Variants in PRKN observed in about 807,000 individuals in gnomAD.
The protein encoded by PRKN is parkin RBR E3 ubiquitin protein ligase.
PRKN carries 56 observed loss-of-function variants against 59.5 expected under a neutral mutation model. The ratio of observed to expected loss-of-function variants is 0.94; its 90% confidence interval spans 0.76 to 1.18. The LOEUF is 1.18. PRKN is among the 50% of genes most tolerant of loss of function. PRKN has a pLI of 0.00. For missense variants in PRKN, 657 were observed against 596.4 expected (o/e 1.10, Z -1.06); for synonymous variants, 250 against 222.1 (o/e 1.13, Z -1.12).
chr6:162,332,559 A>T (rs574692551), intron 2 of PRKN, among the ~76,000 whole-genome samples: 1 of 152,278 alleles, frequency 6.6e-6, no homozygotes, highest in Non-Finnish European at 1.5e-5. Flanking sequence ...GCCCTTCATG[A>T]AAAATTGGAA....
chr6:161,674,288 G>A (rs1367049016), intron 7 of PRKN, among the ~76,000 whole-genome samples: 1 of 151,970 alleles, frequency 6.6e-6, no homozygotes, highest in Non-Finnish European at 1.5e-5. Context: ...GGATGGCTTT[G>A]CTGTATAATT....
intron 9 of PRKN, among the ~76,000 whole-genome samples, chr6:161,537,645 GT>G (rs1242320505): frequency 1.3e-5 from 2 of 152,026 alleles, no homozygotes; most frequent in African/African-American, 4.8e-5. Flanking sequence ...TAGAGACGGG[GT>G]TTCACCATGT....
chr6:162,390,475 T>C (rs1787123736), intron 2 of PRKN, among the ~76,000 whole-genome samples: 1 of 150,900 alleles, frequency 6.6e-6, no homozygotes, highest in Non-Finnish European at 1.5e-5. Flanking sequence ...AGAGTCTCGT[T>C]CTGTCACCCA....
At chr6:162,323,505 T>G (rs1430132033) in intron 2 of PRKN, among the ~76,000 whole-genome samples, 2 of 152,038 alleles carry the variant, frequency 1.3e-5, no homozygotes, top group African/African-American at 2.4e-5. Flanking sequence ...ATATTTGATA[T>G]ATGATATATT....
intron 1 of PRKN, among the ~76,000 whole-genome samples, chr6:162,526,198 G>A (rs747617093): frequency 9.4e-5 from 14 of 148,654 alleles, no homozygotes; most frequent in South Asian, 2.2e-4. Flanking sequence ...ACAAACTATC[G>A]GAGTCAAGGT....
intron 2 of PRKN, among the ~76,000 whole-genome samples, chr6:162,272,745 C>T (rs918989312): frequency 7.2e-5 from 11 of 151,972 alleles, no homozygotes; most frequent in African/African-American, 2.7e-4. Flanking sequence ...TGCTTGTAAT[C>T]CCAGCACTTT....
chr6:161,898,849 GT>G (rs1360243718), intron 6 of PRKN, among the ~76,000 whole-genome samples: 3 of 152,206 alleles, frequency 2.0e-5, no homozygotes, highest in Non-Finnish European at 1.5e-5. Context: ...ATGTACGCTT[GT>G]GGCTTCTTCG....
At chr6:162,672,408 T>A (rs554414604) in intron 1 of PRKN, among the ~76,000 whole-genome samples, 1 of 151,996 alleles carries the variant, frequency 6.6e-6, no homozygotes, top group Admixed American at 6.6e-5. Context: ...CATTAACCAC[T>A]TTGGCAAAAA....
chr6:162,348,675 T>A (rs966865963), intron 2 of PRKN, among the ~76,000 whole-genome samples: 1 of 152,328 alleles, frequency 6.6e-6, no homozygotes, highest in South Asian at 2.1e-4. Flanking sequence ...ATTCTTATTA[T>A]TTCTTTTTAC....
intron 4 of PRKN, among the ~76,000 whole-genome samples, chr6:162,063,954 T>C (rs1462155952): frequency 1.3e-5 from 2 of 152,058 alleles, no homozygotes; most frequent in Non-Finnish European, 2.9e-5. Flanking sequence ...CAGAGCAACA[T>C]AGACTCGTAC....
chr6:161,590,799 T>C (rs938611103), intron 7 of PRKN, among the ~76,000 whole-genome samples: 8 of 151,384 alleles, frequency 5.3e-5, no homozygotes, highest in Admixed American at 2.6e-4. Context: ...CAAACACAAA[T>C]TGAAGGATAG....
intron 2 of PRKN, among the ~76,000 whole-genome samples, chr6:162,423,451 T>C (rs2128160162): frequency 6.6e-6 from 1 of 152,308 alleles, no homozygotes; most frequent in Non-Finnish European, 1.5e-5. Flanking sequence ...GTAAGACATC[T>C]AGACAAAGTT....
rs759309558 is a variant in PRKN, at chr6:162,710,414, C to CACACACACACACACACACACACAA, written c.7+17247_7+17248insTTGTGTGTGTGTGTGTGTGTGTGT. ...ACACACACACACACACACACACACA[C>CACACACACACACACACACACACAA]AACTGTTTGGTATGATGAGGAAGAA... is the stretch of plus-strand genomic sequence containing the variant. On this transcript the variant is annotated intron_variant, in intron 1 of 11. Transcript: ENST00000366898. 7.9e-4 allele frequency among the ~76,000 whole-genome samples: 118 copies of CACACACACACACACACACACACAA among 150,062 alleles called. 1 individual carries two copies. The highest frequency in any genetic ancestry group is 2.8e-3 in the African/African-American group (113 of 40,158).
At chr6:161,864,602 A>G (rs1022882089) in intron 6 of PRKN, among the ~76,000 whole-genome samples, 1 of 152,146 alleles carries the variant, frequency 6.6e-6, no homozygotes, top group Admixed American at 6.5e-5. Flanking sequence ...AATGACATCT[A>G]GAATGGTGAA....
intron 1 of PRKN, among the ~76,000 whole-genome samples, chr6:162,692,250 T>C (rs1777803465): frequency 6.6e-6 from 1 of 151,864 alleles, no homozygotes; most frequent in South Asian, 2.1e-4. Context: ...AAGAGACTTG[T>C]GCAGTAAAGG....
At chr6:162,074,801 C>T (rs990617460) in intron 4 of PRKN, among the ~76,000 whole-genome samples, 4 of 152,122 alleles carry the variant, frequency 2.6e-5, no homozygotes, top group South Asian at 2.1e-4. Context: ...ATGCCAACAA[C>T]GCGTTTCCCC....
chr6:161,526,239 C>T lies in PRKN; in HGVS notation c.1083+22615G>A, dbSNP rs1417614729. ...GATGTGCATAACTGGCTCCTGTGAA[C>T]CTGGTACAGCTGGCTCCAGCCTCCA... On this transcript the variant is annotated intron_variant, in intron 9 of 11. Coordinates refer to ENST00000366898, the MANE Select transcript of PRKN (RefSeq NM_004562.3). The surrounding 1 kb of genome is among the most constrained non-coding windows in gnomAD (Gnocchi z 4.1). 6.6e-6 allele frequency among the ~76,000 whole-genome samples: 1 copy of T among 152,220 alleles called. No individual in the cohort carries two copies. The highest frequency in any genetic ancestry group is 2.4e-5 in the African/African-American group (1 of 41,458).
At chr6:162,469,702 G>A (rs1791629801) in intron 1 of PRKN, among the ~76,000 whole-genome samples, 1 of 151,958 alleles carries the variant, frequency 6.6e-6, no homozygotes, top group East Asian at 1.9e-4. Flanking sequence ...GCCTAAGAAT[G>A]ACACAGTGGA....
intron 1 of PRKN, among the ~76,000 whole-genome samples, chr6:162,690,960 C>A (rs1352708677): frequency 6.6e-6 from 1 of 152,080 alleles, no homozygotes; most frequent in Non-Finnish European, 1.5e-5. Context: ...CTTCATGCTA[C>A]AGTAAATACC....
Sources: gnomAD v4.1 joint callset for allele counts (sites outside exome capture counted in the v4.1 genomes callset) on GRCh38, gnomAD v4.1.1 for gene constraint, Gnocchi (gnomAD v3.1) non-coding constraint, MANE v1.5 for transcripts, NCBI Gene and HGNC (gene_info 2026-07-23, HGNC 2026-07-21) for gene names.